Variants in KLF12 observed in about 807,000 individuals in gnomAD.
KLF12 encodes Krueppel-like factor 12.
Under a neutral mutation model 37.8 loss-of-function variants are expected in KLF12, and 9 were observed. The observed-to-expected ratio is 0.24, with a 90% CI of 0.14 to 0.42. The LOEUF is 0.42. Among genes scored for constraint, KLF12 ranks in the 10% least tolerant of loss-of-function variants. The probability of loss-of-function intolerance (pLI) is 1.00; values close to 1 mark genes in which losing one functional copy is unlikely to be tolerated. For missense variants in KLF12, 411 were observed against 516.0 expected, an observed-to-expected ratio of 0.80 and a Z score of 1.97; for synonymous variants, 208 against 202.1, an observed-to-expected ratio of 1.03 and a Z score of -0.25.
intron 3 of KLF12, among the ~76,000 whole-genome samples, chr13:73,915,713 T>TC (rs1491298700): frequency 3.5e-5 from 4 of 113,372 alleles, no homozygotes; most frequent in African/African-American, 1.3e-4. Context: ...TTTTTTTTTT[T>TC]AGTAGAGACT....
At chr13:74,012,092 T>C (rs1329021513) in intron 1 of KLF12, among the ~76,000 whole-genome samples, 1 of 152,244 alleles carries the variant, frequency 6.6e-6, no homozygotes, top group East Asian at 1.9e-4. Flanking sequence ...TAGCATTTAA[T>C]GCATCTGGAT....
chr13:73,908,165 G>A (rs1888391644), intron 3 of KLF12, among the ~76,000 whole-genome samples: 1 of 152,046 alleles, frequency 6.6e-6, no homozygotes, highest in Admixed American at 6.5e-5. Flanking sequence ...CACTCTGGGA[G>A]GCCGAGGTGG....
At chr13:73,907,628 C>G (rs1888363967) in intron 3 of KLF12, among the ~76,000 whole-genome samples, 1 of 152,180 alleles carries the variant, frequency 6.6e-6, no homozygotes, top group Admixed American at 6.5e-5. Context: ...AATCAAGACC[C>G]AGAGTAGTTA....
At chr13:73,826,637 C>T (rs560704784) in intron 4 of KLF12, among the ~76,000 whole-genome samples, 1 of 152,162 alleles carries the variant, frequency 6.6e-6, no homozygotes, top group South Asian at 2.1e-4. Flanking sequence ...TATTTTGTTT[C>T]CTTCTTCCAC....
the KLF12 span, among the ~76,000 whole-genome samples, chr13:74,267,128 A>C: frequency 0.24 from 36,082 of 152,092 alleles, 4,604 homozygotes; most frequent in South Asian, 0.37. Context: ...GATAGTGAAA[A>C]CTACTGTGTT....
At chr13:74,288,276 C>T in the KLF12 span, among the ~76,000 whole-genome samples, 1 of 152,176 alleles carries the variant, frequency 6.6e-6, no homozygotes, top group South Asian at 2.1e-4. Context: ...TAAGCTGAAG[C>T]ATTTCAACTC....
At chr13:73,853,994 G>C (rs779538086) in intron 3 of KLF12, among the ~76,000 whole-genome samples, 1 of 152,080 alleles carries the variant, frequency 6.6e-6, no homozygotes, top group East Asian at 1.9e-4. Context: ...GGTCAAAAAC[G>C]GAAGCTGGAT....
the KLF12 span, among the ~76,000 whole-genome samples, chr13:74,145,731 C>T: frequency 1.3e-5 from 2 of 152,194 alleles, no homozygotes; most frequent in Middle Eastern, 3.4e-3. Context: ...CTAGAAACAT[C>T]AAAGTTAGAA....
chr13:73,827,051 G>A (rs918830522), intron 4 of KLF12, among the ~76,000 whole-genome samples: 7 of 152,130 alleles, frequency 4.6e-5, no homozygotes, highest in African/African-American at 1.7e-4. Flanking sequence ...AAAGCACAAG[G>A]ATTACAGGCA....
At chr13:74,207,350 C>T in the KLF12 span, among the ~76,000 whole-genome samples, 24 of 152,136 alleles carry the variant, frequency 1.6e-4, no homozygotes, top group Non-Finnish European at 1.9e-4. Context: ...TGGGAAAGTA[C>T]AATTGTCCTC....
the KLF12 span, among the ~76,000 whole-genome samples, chr13:74,207,266 G>A: frequency 2.0e-5 from 3 of 152,256 alleles, no homozygotes; most frequent in South Asian, 6.2e-4. Flanking sequence ...ATGTTACAGT[G>A]GTAAGTTTTC....
rs1346318076 is a variant in KLF12, at chr13:73,827,747, G to C, written c.671-14460C>G. 3.3e-5 allele frequency among the ~76,000 whole-genome samples: 5 copies of C among 152,044 alleles called. No individual in the cohort carries two copies. In the East Asian group the frequency reaches 9.6e-4, roughly 29 times the overall value. ...TCGGCTAATTTTTGTATTTTCATTA[G>C]AGACAGGGTTCCACCATGCTGGCCA... On this transcript the variant is annotated intron_variant, in intron 4 of 7. Transcript: ENST00000377669.
intron 1 of KLF12, among the ~76,000 whole-genome samples, chr13:74,099,338 C>G (rs543193476): frequency 2.0e-5 from 3 of 152,116 alleles, no homozygotes. Flanking sequence ...CAGAGTGAGA[C>G]CCTGTCTCTA....
chr13:73,786,757 C>CAAAAAAA (rs10568058), intron 5 of KLF12, among the ~76,000 whole-genome samples: 5 of 119,194 alleles, frequency 4.2e-5, no homozygotes, highest in East Asian at 2.5e-4. Flanking sequence ...ATTACAAATA[C>CAAAAAAA]AAAAAAAAAA....
At chr13:74,280,479 A>T in the KLF12 span, among the ~76,000 whole-genome samples, 8 of 152,324 alleles carry the variant, frequency 5.3e-5, no homozygotes, top group East Asian at 1.4e-3. Context: ...ACACACTGGA[A>T]ATTTACACAT....
At chr13:73,830,198 G>A (rs1328122738) in intron 4 of KLF12, among the ~76,000 whole-genome samples, 5 of 152,158 alleles carry the variant, frequency 3.3e-5, no homozygotes, top group Non-Finnish European at 7.3e-5. Context: ...CATCACCAGT[G>A]AGCACTCATT....
chr13:74,006,081 C>T (rs759577764), intron 1 of KLF12, among the ~76,000 whole-genome samples: 10 of 152,164 alleles, frequency 6.6e-5, no homozygotes, highest in African/African-American at 1.7e-4. Context: ...TTGGCTAGTT[C>T]TACTGCTTCA....
At chr13:73,805,722 T>C (rs549814374) in intron 5 of KLF12, among the ~76,000 whole-genome samples, 3 of 148,620 alleles carry the variant, frequency 2.0e-5, no homozygotes, top group African/African-American at 7.5e-5. Flanking sequence ...GGGGAAAAGA[T>C]TGCAATTGTT....
intron 3 of KLF12, among the ~76,000 whole-genome samples, chr13:73,923,542 C>A (rs933451784): frequency 2.6e-5 from 4 of 152,200 alleles, no homozygotes; most frequent in African/African-American, 9.7e-5. Context: ...TCAGACAGGG[C>A]AGACATTCTG....
Sources: allele counts gnomAD v4.1 joint callset (sites outside exome capture counted in the v4.1 genomes callset), GRCh38; gene constraint gnomAD v4.1.1; transcripts MANE v1.5; gene names NCBI Gene and HGNC (gene_info 2026-07-23, HGNC 2026-07-21).